The following MRPS6 variants were observed in gnomAD, a reference collection of about 807,000 sequenced individuals.
MRPS6 encodes mitochondrial ribosomal protein S6, also known as small ribosomal subunit protein bS6m.
In MRPS6, 6 loss-of-function variants were observed where a neutral mutation model predicts 13.1. That is an observed-to-expected ratio of 0.46 (90% CI 0.25 to 0.91). MRPS6 has a LOEUF of 0.91. MRPS6 is among the 40% of genes least tolerant of loss of function. MRPS6 has a pLI of 0.18. For synonymous variants in MRPS6, 61 were observed against 56.5 expected (o/e 1.08, Z -0.36); for missense variants, 164 against 155.6 (o/e 1.05, Z -0.29).
At chr21:34,119,040 T>G (rs924812570) in intron 1 of MRPS6, among the ~76,000 whole-genome samples, 14 of 152,200 alleles carry the variant, frequency 9.2e-5, no homozygotes, top group African/African-American at 3.4e-4. Context: ...TCTAGACTTG[T>G]CCTTATTGAA....
At chr21:34,099,096 G>A (rs1979110825) in intron 1 of MRPS6, 17 of 999,564 alleles carry the variant, frequency 1.7e-5, no homozygotes, top group Non-Finnish European at 2.0e-5. Context: ...GTCTTCCCAT[G>A]ATCAGGAGGC....
chr21:34,075,553 GAAA>G (rs1279497700), intron 1 of MRPS6, among the ~76,000 whole-genome samples: 1 of 151,904 alleles, frequency 6.6e-6, no homozygotes, highest in Non-Finnish European at 1.5e-5. Context: ...GCAAAAAAAA[GAAA>G]AAAAGCCCTA....
At chr21:34,092,838 G>A (rs1978774693) in intron 1 of MRPS6, among the ~76,000 whole-genome samples, 1 of 152,148 alleles carries the variant, frequency 6.6e-6, no homozygotes, top group Non-Finnish European at 1.5e-5. Context: ...GCACGTGGTT[G>A]CTACTGCCAT....
chr21:34,079,552 C>T (rs1989411581), intron 1 of MRPS6, among the ~76,000 whole-genome samples: 1 of 150,626 alleles, frequency 6.6e-6, no homozygotes, highest in Admixed American at 6.6e-5. Flanking sequence ...TCTCATGTCT[C>T]AGCCTCCCAA....
At chr21:34,074,347 C>G (rs768060135) in intron 1 of MRPS6, among the ~76,000 whole-genome samples, 1 of 152,232 alleles carries the variant, frequency 6.6e-6, no homozygotes. Flanking sequence ...AATCTTTTGA[C>G]TTTTCTTTTT....
At position 34,105,958 on chromosome 21, in the gene MRPS6, G is replaced by A. The variant is rs1367925734; in HGVS notation, c.46-19383G>A. The A allele has an allele frequency of 4.0e-6, 4 of 993,090 alleles. No individual in the cohort carries two copies. The African/African-American group carries it at 7.0e-5, about 17-fold the overall frequency. The allele number at this position is 993,090 out of a possible 1,614,324, so 61.5% of individuals were successfully genotyped here. On this transcript the variant is annotated intron_variant, in intron 1 of 2. Transcript: ENST00000399312. ...TCTGATTTTTTAAAATTGTAAACATGTATGATCTTGGTTTCATGTGTTTTT... is the reference window on the plus strand; with the variant it reads ...TCTGATTTTTTAAAATTGTAAACATATATGATCTTGGTTTCATGTGTTTTT...
At chr21:34,102,240 G>C (rs1979271935) in intron 1 of MRPS6, 1 of 999,762 alleles carries the variant, frequency 1.0e-6, no homozygotes, top group African/African-American at 1.7e-5. Flanking sequence ...CTTTGCCAGT[G>C]GTGAGTCCCA....
At chr21:34,108,237 C>T (rs1271127362) in intron 1 of MRPS6, among the ~76,000 whole-genome samples, 1 of 152,188 alleles carries the variant, frequency 6.6e-6, no homozygotes, top group Non-Finnish European at 1.5e-5. Flanking sequence ...TTGCCAGCTC[C>T]ATTCATGGTA....
chr21:34,095,768 G>T lies in MRPS6; in HGVS notation c.45+22023G>T, dbSNP rs777170505. The T allele has an allele frequency of 2.5e-6, 4 of 1,614,060 alleles. 1 individual carries two copies. The highest frequency in any genetic ancestry group is 3.4e-6 in the Non-Finnish European group (4 of 1,179,992). ...TCTACACAGACACTCTGCAGGCTCT[G>T]CTCATGATCATTGGGGCACTTACAC... On this transcript the variant is annotated intron_variant, in intron 1 of 2. Transcript: ENST00000399312.
At chr21:34,074,106 C>T (rs1000933178) in intron 1 of MRPS6, among the ~76,000 whole-genome samples, 2 of 148,362 alleles carry the variant, frequency 1.3e-5, no homozygotes, top group Non-Finnish European at 1.5e-5. Context: ...CGCGCGGGCG[C>T]CCAGCCCGAC....
intron 1 of MRPS6, among the ~76,000 whole-genome samples, chr21:34,119,009 C>T (rs1452348084): frequency 2.0e-5 from 3 of 152,112 alleles, no homozygotes; most frequent in Non-Finnish European, 4.4e-5. Context: ...TGTACTTAGG[C>T]ATCTTTATGT....
At position 34,125,174 on chromosome 21, in the gene MRPS6, C is replaced by A. The variant is rs999232562; in HGVS notation, c.46-167C>A. 35 of 1,031,374 alleles carry A rather than the reference C, an allele frequency of 3.4e-5. No homozygotes were observed. In the African/African-American group the frequency reaches 5.4e-4, roughly 16 times the overall value. The allele number at this position is 1,031,374 out of a possible 1,614,324, so 63.9% of individuals were successfully genotyped here. A position where few individuals can be genotyped will look rare whatever the true frequency, so the allele number is the denominator to read the frequency against. On this transcript the variant is annotated intron_variant, in intron 1 of 2. Coordinates refer to ENST00000399312, the MANE Select transcript of MRPS6 (RefSeq NM_032476.4). Reference sequence around the variant, plus strand: ...ATCTCATATCCTTACAATAAATTCTCTCTCTCTTTTATTTTAAGTTAACCA... The same window carrying A: ...ATCTCATATCCTTACAATAAATTCTATCTCTCTTTTATTTTAAGTTAACCA...
intron 1 of MRPS6, among the ~76,000 whole-genome samples, chr21:34,076,334 A>G (rs148863899): frequency 6.6e-6 from 1 of 152,294 alleles, no homozygotes; most frequent in East Asian, 1.9e-4. Context: ...AAGTTTTAAA[A>G]TTTAAAATAC....
At chr21:34,102,097 A>C in intron 1 of MRPS6, 1 of 1,000,138 alleles carries the variant, frequency 1.0e-6, no homozygotes. Context: ...TAGGGCTGCA[A>C]ATCTTTTTCT....
intron 1 of MRPS6, chr21:34,097,652 A>G: frequency 1.8e-6 from 2 of 1,089,346 alleles, no homozygotes; most frequent in Non-Finnish European, 1.1e-6. Context: ...AGCAGAATAT[A>G]TGTTAAGTTA....
intron 2 of MRPS6, among the ~76,000 whole-genome samples, chr21:34,126,497 A>T (rs1278224731): frequency 6.6e-6 from 1 of 152,202 alleles, no homozygotes; most frequent in South Asian, 2.1e-4. Flanking sequence ...AACACCTCTG[A>T]AGAGAATGCC....
At position 34,125,370 on chromosome 21, in the gene MRPS6, G is replaced by A. The variant is rs1980264999; in HGVS notation, c.75G>A (p.Thr25=). 2 of 1,613,782 alleles carry A rather than the reference G, an allele frequency of 1.2e-6. No individual in the cohort carries two copies. Among genetic ancestry groups the A allele is most frequent in the Non-Finnish European group, 1.7e-6 (2 of 1,179,876 alleles). Residue 25 remains threonine, a synonymous_variant, in exon 2 of 3, where the codon ACG becomes ACA. Coordinates refer to ENST00000399312, the MANE Select transcript of MRPS6 (RefSeq NM_032476.4). ...AGACTGCTGCTACTTTGAAACGTAC[G>A]ATAGAGGCCCTGATGGACAGAGGAG... ...RPETAATLKR[T]IEALMDRGAI...
At chr21:34,098,170 T>G (rs1314054718) in intron 1 of MRPS6, 2 of 999,914 alleles carry the variant, frequency 2.0e-6, no homozygotes, top group East Asian at 2.3e-4. Context: ...TTATATAGTT[T>G]GGAAATGACC....
intron 1 of MRPS6, among the ~76,000 whole-genome samples, chr21:34,092,980 T>G (rs1447582909): frequency 6.6e-6 from 1 of 152,194 alleles, no homozygotes; most frequent in Non-Finnish European, 1.5e-5. Flanking sequence ...ACAGCAGTTT[T>G]CATTGTAATT....
Sources: allele counts gnomAD v4.1 joint callset (sites outside exome capture counted in the v4.1 genomes callset), GRCh38; gene constraint gnomAD v4.1.1; transcripts MANE v1.5; gene names NCBI Gene and HGNC (gene_info 2026-07-23, HGNC 2026-07-21).